The following FARS2 variants were observed in gnomAD, a reference collection of about 807,000 sequenced individuals.
FARS2 encodes the protein phenylalanine--tRNA ligase, mitochondrial.
A neutral mutation model predicts 46.4 loss-of-function variants in FARS2; 40 were observed. That is an observed-to-expected ratio of 0.86 (90% CI 0.67 to 1.12). The LOEUF is 1.12. Ranked by LOEUF, FARS2 falls within the 50% of genes most tolerant of loss-of-function variation. FARS2 has a pLI of 0.00. For missense variants in FARS2, 513 were observed against 567.9 expected, an observed-to-expected ratio of 0.90 and a Z score of 0.98; for synonymous variants, 234 against 214.9, an observed-to-expected ratio of 1.09 and a Z score of -0.78.
At position 5,368,932 on chromosome 6, in the gene FARS2, C is replaced by G; in HGVS notation, c.362C>G (p.Thr121Arg). 6.2e-7 allele frequency: 1 copy of G among 1,614,152 alleles called. No individual in the cohort carries two copies. The highest frequency in any genetic ancestry group is 8.5e-7 in the Non-Finnish European group (1 of 1,180,034). The change falls in exon 2 of 7, where the codon ACG becomes AGG. Residue 121 changes from threonine to arginine, a missense_variant. Coordinates refer to ENST00000274680, the MANE Select transcript of FARS2 (RefSeq NM_006567.5). Reference sequence around the variant, plus strand: ...TACGACAACCTTTCTCCAGTGGTCACGACCTGGCAGAACTTTGACAGCCTG... The same window carrying G: ...TACGACAACCTTTCTCCAGTGGTCAGGACCTGGCAGAACTTTGACAGCCTG... ...SVYDNLSPVV[T>R]TWQNFDSLLI...
intron 1 of FARS2, among the ~76,000 whole-genome samples, chr6:5,262,832 C>T (rs2773322): frequency 0.36 from 55,361 of 152,092 alleles, 12,367 homozygotes; most frequent in African/African-American, 0.63. Context: ...TCTATTACTT[C>T]CTGGTTGGTC....
intron 4 of FARS2, among the ~76,000 whole-genome samples, chr6:5,503,037 A>T (rs116821123): frequency 0.017 from 2,530 of 152,216 alleles, 55 homozygotes; most frequent in African/African-American, 0.058. Context: ...CAAATTATTT[A>T]TTTTTGTAGT....
intron 6 of FARS2, among the ~76,000 whole-genome samples, chr6:5,640,422 T>G (rs1457080982): frequency 6.6e-6 from 1 of 152,152 alleles, no homozygotes; most frequent in African/African-American, 2.4e-5. Flanking sequence ...AGTTGGCCAC[T>G]CCCAGCCCGA....
At position 5,688,434 on chromosome 6, in the gene FARS2, C is replaced by T. The variant is rs546601275; in HGVS notation, c.1217+75114C>T. Among the ~76,000 whole-genome samples, 6 of 152,208 alleles carry T rather than the reference C, an allele frequency of 3.9e-5. No homozygotes were observed. The South Asian group carries it at 1.0e-3, about 26-fold the overall frequency. ...AAGTGTTGTTGAATTTTGTCAAAGGCCTTTTCTGCATCTATTGAGATAATC... is the reference window on the plus strand; with the variant it reads ...AAGTGTTGTTGAATTTTGTCAAAGGTCTTTTCTGCATCTATTGAGATAATC... On this transcript the variant is annotated intron_variant, in intron 6 of 6. Coordinates refer to ENST00000274680, the MANE Select transcript of FARS2 (RefSeq NM_006567.5).
intron 5 of FARS2, among the ~76,000 whole-genome samples, chr6:5,549,824 C>A (rs1156850571): frequency 6.6e-6 from 1 of 152,122 alleles, no homozygotes; most frequent in African/African-American, 2.4e-5. Flanking sequence ...TCCCTTTGAC[C>A]CCTAAAGATT....
At chr6:5,319,426 G>C (rs1457260607) in intron 1 of FARS2, among the ~76,000 whole-genome samples, 1 of 152,222 alleles carries the variant, frequency 6.6e-6, no homozygotes, top group Non-Finnish European at 1.5e-5. Context: ...CACTATGCAT[G>C]TGGCCCCTCC....
intron 1 of FARS2, among the ~76,000 whole-genome samples, chr6:5,274,795 C>A (rs781684692): frequency 6.6e-6 from 1 of 152,210 alleles, no homozygotes; most frequent in Non-Finnish European, 1.5e-5. Context: ...ACTGCAGCCT[C>A]CAACTTCCGG....
At chr6:5,519,957 G>A (rs550024755) in intron 4 of FARS2, among the ~76,000 whole-genome samples, 5 of 152,326 alleles carry the variant, frequency 3.3e-5, no homozygotes, top group East Asian at 1.9e-4. Context: ...AGTGACCTTT[G>A]ATGACTTCCT....
intron 5 of FARS2, among the ~76,000 whole-genome samples, chr6:5,593,933 C>G (rs992201363): frequency 6.6e-6 from 1 of 152,186 alleles, no homozygotes; most frequent in Non-Finnish European, 1.5e-5. Flanking sequence ...AGCTAAATCC[C>G]TGGCTAAGGG....
At chr6:5,605,341 C>T (rs936169100) in intron 5 of FARS2, among the ~76,000 whole-genome samples, 11 of 152,180 alleles carry the variant, frequency 7.2e-5, no homozygotes, top group African/African-American at 2.7e-4. Flanking sequence ...GGTAGTGGTC[C>T]TGTCCTCTGA....
At chr6:5,342,666 T>C (rs1247216602) in intron 1 of FARS2, among the ~76,000 whole-genome samples, 1 of 151,522 alleles carries the variant, frequency 6.6e-6, no homozygotes, top group Non-Finnish European at 1.5e-5. Context: ...GCGGGAGAAT[T>C]GCTTGAACCT....
At chr6:5,253,349 G>A in the FARS2 span, among the ~76,000 whole-genome samples, 1 of 151,762 alleles carries the variant, frequency 6.6e-6, no homozygotes, top group Non-Finnish European at 1.5e-5. Flanking sequence ...TGCATTGCTG[G>A]AATTTGCTGT....
chr6:5,564,674 A>G (rs981357482), intron 5 of FARS2, among the ~76,000 whole-genome samples: 1 of 152,256 alleles, frequency 6.6e-6, no homozygotes, highest in Non-Finnish European at 1.5e-5. Context: ...TTATTTTTAC[A>G]TAGACCTTTT....
At chr6:5,685,512 G>C (rs560640406) in intron 6 of FARS2, among the ~76,000 whole-genome samples, 22 of 152,310 alleles carry the variant, frequency 1.4e-4, no homozygotes, top group African/African-American at 5.1e-4. Context: ...GGCCCACTGT[G>C]TGACTGCAGT....
intron 4 of FARS2, among the ~76,000 whole-genome samples, chr6:5,531,642 A>T (rs946067936): frequency 4.6e-5 from 7 of 152,188 alleles, no homozygotes; most frequent in African/African-American, 1.7e-4. Context: ...TAGGTGAAGC[A>T]CTTTTTGACA....
chr6:5,304,587 A>G (rs1483136587), intron 1 of FARS2, among the ~76,000 whole-genome samples: 2 of 152,216 alleles, frequency 1.3e-5, no homozygotes, highest in Non-Finnish European at 2.9e-5. Flanking sequence ...CCAGATGGCC[A>G]ACTTGGTTAG....
At chr6:5,631,501 G>A (rs539905628) in intron 6 of FARS2, among the ~76,000 whole-genome samples, 1 of 152,330 alleles carries the variant, frequency 6.6e-6, no homozygotes, top group East Asian at 1.9e-4. Context: ...AAGCCGAGCT[G>A]TTTCAAGTGC....
At chr6:5,671,965 G>A (rs917959233) in intron 6 of FARS2, among the ~76,000 whole-genome samples, 2 of 152,164 alleles carry the variant, frequency 1.3e-5, no homozygotes, top group Non-Finnish European at 2.9e-5. Context: ...GTGCATTTGC[G>A]GAAGACATTG....
chr6:5,751,302 C>T (rs1205657250), intron 6 of FARS2, among the ~76,000 whole-genome samples: 2 of 152,124 alleles, frequency 1.3e-5, no homozygotes, highest in African/African-American at 4.8e-5. Context: ...CAAATGGCAT[C>T]TTCTGGCCTT....
Sources: allele counts gnomAD v4.1 joint callset (sites outside exome capture counted in the v4.1 genomes callset), GRCh38; gene constraint gnomAD v4.1.1; transcripts MANE v1.5; gene names NCBI Gene and HGNC (gene_info 2026-07-23, HGNC 2026-07-21).